Variants in PCCA observed in about 807,000 individuals in gnomAD.
PCCA encodes the protein propionyl-CoA carboxylase subunit alpha.
PCCA carries 74 observed loss-of-function variants against 101.3 expected under a neutral mutation model. The ratio of observed to expected loss-of-function variants is 0.73; its 90% CI spans 0.61 to 0.89. The LOEUF is 0.89. Ranked by LOEUF, PCCA falls within the 40% of genes least tolerant of loss-of-function variation. The probability of loss-of-function intolerance (pLI) is 0.00; values close to 1 mark genes in which losing one functional copy is unlikely to be tolerated. For missense variants in PCCA, 891 were observed against 907.0 expected (o/e 0.98, Z 0.23); for synonymous variants, 294 against 313.6 (o/e 0.94, Z 0.66).
At chr13:100,354,476 C>CA (rs772650606) in intron 18 of PCCA, among the ~76,000 whole-genome samples, 10 of 151,582 alleles carry the variant, frequency 6.6e-5, no homozygotes, top group Non-Finnish European at 1.2e-4. Context: ...ATAGAGCAAA[C>CA]AAAAGCAGAG....
At chr13:100,498,586 T>C (rs2085444240) in intron 21 of PCCA, among the ~76,000 whole-genome samples, 1 of 152,114 alleles carries the variant, frequency 6.6e-6, no homozygotes, top group Non-Finnish European at 1.5e-5. Flanking sequence ...ACAACCATCA[T>C]CTCTCTCCAG....
intron 17 of PCCA, among the ~76,000 whole-genome samples, chr13:100,337,922 A>G (rs527469313): frequency 6.6e-6 from 1 of 152,390 alleles, no homozygotes; most frequent in Non-Finnish European, 1.5e-5. Flanking sequence ...TTCATGTAAA[A>G]TACTGTGTTT....
chr13:100,401,638 C>A (rs538579070), intron 19 of PCCA, among the ~76,000 whole-genome samples: 1 of 152,120 alleles, frequency 6.6e-6, no homozygotes, highest in South Asian at 2.1e-4. Flanking sequence ...GTACCATTCC[C>A]AGTCATTTTC....
At position 100,301,506 on chromosome 13, in the gene PCCA, A is replaced by G. The variant is rs752995083; in HGVS notation, c.1112A>G (p.Gln371Arg). Reference protein sequence around the residue: ...TECITGLDLVQEMIRVAKGYP... With the variant: ...TECITGLDLVREMIRVAKGYP... ...TGCATTACTGGCCTGGACCTAGTCC[A>G]GGAAATGATCCGTGTTGCTAAGGGC... is the stretch of plus-strand genomic sequence containing the variant. Residue 371 changes from glutamine (Q) to arginine (R), a missense_variant, in exon 13 of 24, where the codon CAG becomes CGG. Coordinates refer to ENST00000376285, the MANE Select transcript of PCCA (RefSeq NM_000282.4). 5 of 1,614,018 alleles carry G rather than the reference A, an allele frequency of 3.1e-6. No homozygotes were observed. Among genetic ancestry groups the G allele is most frequent in the Admixed American group, 3.3e-5 (2 of 60,006 alleles).
At chr13:100,352,151 G>A (rs2073342341) in intron 18 of PCCA, among the ~76,000 whole-genome samples, 1 of 152,174 alleles carries the variant, frequency 6.6e-6, no homozygotes, top group Admixed American at 6.5e-5. Context: ...AATGGTAGAT[G>A]TAAATCCTAC....
chr13:100,415,220 T>C (rs2152876603), intron 19 of PCCA, among the ~76,000 whole-genome samples: 1 of 133,776 alleles, frequency 7.5e-6, no homozygotes, highest in East Asian at 2.2e-4. Context: ...CCTGGGCACA[T>C]AGTGAGACCA....
At chr13:100,466,734 T>C (rs2082549875) in intron 21 of PCCA, among the ~76,000 whole-genome samples, 1 of 152,174 alleles carries the variant, frequency 6.6e-6, no homozygotes, top group Non-Finnish European at 1.5e-5. Flanking sequence ...GGTTTGTGCC[T>C]GTAGTTCCAG....
At chr13:100,259,683 A>G (rs1594972829) in intron 9 of PCCA, among the ~76,000 whole-genome samples, 1 of 152,118 alleles carries the variant, frequency 6.6e-6, no homozygotes, top group East Asian at 1.9e-4. Flanking sequence ...TTGAAGGTTC[A>G]CTTAGATATT....
rs150975423 is a variant in PCCA at position 100,107,098 on chromosome 13, G to T, written c.183+4138G>T. On this transcript the variant is annotated intron_variant, in intron 2 of 23. Coordinates refer to ENST00000376285, the MANE Select transcript of PCCA (RefSeq NM_000282.4). Reference sequence around the variant, plus strand: ...AGTGCAAGTAGACTTGGTCTTTGGTGTAATACATATTTGTTAAATAAATTG... The same window carrying T: ...AGTGCAAGTAGACTTGGTCTTTGGTTTAATACATATTTGTTAAATAAATTG... Among the ~76,000 whole-genome samples, 51 of 152,250 alleles carry T rather than the reference G, an allele frequency of 3.3e-4. 1 individual carries two copies. The highest frequency in any genetic ancestry group is 3.4e-3 in the Middle Eastern group (1 of 294).
At chr13:100,250,060 T>A (rs1421459780) in intron 8 of PCCA, among the ~76,000 whole-genome samples, 1 of 152,160 alleles carries the variant, frequency 6.6e-6, no homozygotes, top group Non-Finnish European at 1.5e-5. Context: ...ACTCTTTATT[T>A]CCTTTTCTTA....
intron 4 of PCCA, among the ~76,000 whole-genome samples, chr13:100,144,810 C>T (rs989907725): frequency 6.6e-6 from 1 of 152,148 alleles, no homozygotes; most frequent in Non-Finnish European, 1.5e-5. Flanking sequence ...AAAGAGTACT[C>T]ATGGGATCCT....
chr13:100,121,775 G>A (rs1170595379), intron 4 of PCCA, among the ~76,000 whole-genome samples: 5 of 152,088 alleles, frequency 3.3e-5, no homozygotes, highest in Non-Finnish European at 7.4e-5. Flanking sequence ...TGCCCGGCCA[G>A]GATTCTTTAT....
chr13:100,259,157 T>C (rs2062281266), intron 9 of PCCA, among the ~76,000 whole-genome samples: 1 of 152,120 alleles, frequency 6.6e-6, no homozygotes, highest in Non-Finnish European at 1.5e-5. Flanking sequence ...CCACAAAGAT[T>C]TCATTTTTCA....
At chr13:100,318,464 A>C (rs2067629186) in intron 16 of PCCA, among the ~76,000 whole-genome samples, 2 of 148,656 alleles carry the variant, frequency 1.3e-5, no homozygotes, top group Non-Finnish European at 1.5e-5. Flanking sequence ...TATATCTCCT[A>C]ATGCTATCCC....
At chr13:100,165,658 C>T (rs557618214) in intron 6 of PCCA, among the ~76,000 whole-genome samples, 1 of 152,320 alleles carries the variant, frequency 6.6e-6, no homozygotes, top group African/African-American at 2.4e-5. Flanking sequence ...CTATCAATCT[C>T]ATTTTCATTT....
At chr13:100,218,387 T>C (rs970057735) in intron 7 of PCCA, among the ~76,000 whole-genome samples, 7 of 150,440 alleles carry the variant, frequency 4.7e-5, no homozygotes, top group African/African-American at 1.7e-4. Flanking sequence ...GTTTTCACCA[T>C]GTTAGACTGG....
chr13:100,154,958 T>G, intron 4 of PCCA, 21 bp from the exon 5 acceptor site: 1 of 1,534,820 alleles, frequency 6.5e-7, no homozygotes, highest in Non-Finnish European at 9.0e-7. Flanking sequence ...CATCTGTTAA[T>G]GCAGAAATTT....
At chr13:100,099,971 A>G (rs1241158571) in intron 1 of PCCA, among the ~76,000 whole-genome samples, 1 of 152,188 alleles carries the variant, frequency 6.6e-6, no homozygotes, top group Non-Finnish European at 1.5e-5. Flanking sequence ...ATTATTCTCT[A>G]ATGGTAATTC....
chr13:100,143,396 G>A (rs1176198379), intron 4 of PCCA, among the ~76,000 whole-genome samples: 1 of 151,594 alleles, frequency 6.6e-6, no homozygotes, highest in Non-Finnish European at 1.5e-5. Flanking sequence ...TTAGCTAGCT[G>A]TGGTGGTGCA....
Sources: gnomAD v4.1 joint callset for allele counts (sites outside exome capture counted in the v4.1 genomes callset) on GRCh38, gnomAD v4.1.1 for gene constraint, MANE v1.5 for transcripts, NCBI Gene and HGNC (gene_info 2026-07-23, HGNC 2026-07-21) for gene names.